C10orf105: variants seen among roughly 807,000 people sequenced by gnomAD.
C10orf105 encodes the protein chromosome 10 open reading frame 105, also known as uncharacterized protein C10orf105.
C10orf105 carries 2 observed loss-of-function variants against 0.6 expected under a neutral mutation model. That is an observed-to-expected ratio of 3.18 (90% CI 1.30 to 10.01). The LOEUF (loss-of-function observed/expected upper bound fraction) is 10.01, where lower values mean the gene tolerates loss of function less well. Ranked by LOEUF, C10orf105 falls within the 30% of genes most tolerant of loss-of-function variation. The pLI, the probability that C10orf105 is intolerant of heterozygous loss-of-function variation, is 0.04. For synonymous variants in C10orf105, 95 were observed against 82.4 expected (o/e 1.15, Z -0.83); for missense variants, 209 against 191.4 (o/e 1.09, Z -0.54).
chr10:71,735,205 C>A (rs932607408), intron 1 of C10orf105, among the ~76,000 whole-genome samples: 1 of 152,150 alleles, frequency 6.6e-6, no homozygotes, highest in Non-Finnish European at 1.5e-5. Context: ...GGGGTTGGTG[C>A]AAGTGTGTGG....
intron 1 of C10orf105, among the ~76,000 whole-genome samples, chr10:71,718,482 A>G (rs1866395124): frequency 6.6e-6 from 1 of 152,238 alleles, no homozygotes; most frequent in Non-Finnish European, 1.5e-5. Flanking sequence ...CATCAGGCCT[A>G]GAGAGCACTC....
At position 71,715,127 on chromosome 10, in the gene C10orf105, G is replaced by C. The variant is rs1866151341; in HGVS notation, c.*809C>G. 1 of 152,324 alleles carries C rather than the reference G, an allele frequency of 6.6e-6. No homozygotes were observed. The highest frequency in any genetic ancestry group is 1.5e-5 in the Non-Finnish European group (1 of 68,138). 9.4% of individuals were successfully genotyped at this position (152,324 alleles called of 1,614,324 possible). A position where few individuals can be genotyped will look rare whatever the true frequency, so the allele number is the denominator to read the frequency against. On this transcript the variant is annotated 3_prime_UTR_variant, in exon 2 of 2. Transcript: ENST00000441508. Reference sequence around the variant, plus strand: ...TGGGTGAGGTGTGGAGCTGCTGTGAGCTGTCCTCCTCCGAGTCCAGGTGGC... The same window carrying C: ...TGGGTGAGGTGTGGAGCTGCTGTGACCTGTCCTCCTCCGAGTCCAGGTGGC...
rs1865983444 is a variant in C10orf105, at chr10:71,711,875, C to T, written c.*4061G>A. 1 of 152,120 alleles carries T rather than the reference C, an allele frequency of 6.6e-6. No homozygotes were observed. The highest frequency in any genetic ancestry group is 2.4e-5 in the African/African-American group (1 of 41,406). The allele number at this position is 152,120 out of a possible 1,614,324, so 9.4% of individuals were successfully genotyped here. A position where few individuals can be genotyped will look rare whatever the true frequency, so the allele number is the denominator to read the frequency against. ...CCAGGTGTTTGACCCAGGTGCTATA[C>T]CCGCCAGTCCCTGACAGCAGTTGGC... On this transcript the variant is annotated 3_prime_UTR_variant, in exon 2 of 2. Transcript: ENST00000441508.
chr10:71,720,420 A>AACACACACAC (rs57346519), upstream of C10orf105, among the ~76,000 whole-genome samples: 2,544 of 145,810 alleles, frequency 0.017, 69 homozygotes, highest in African/African-American at 0.058. Flanking sequence ...CTCTTTCCAA[A>AACACACACAC]ACACACACAC....
In C10orf105 at chr10:71,718,906, G is replaced by GAA. The variant is rs78421738; in HGVS notation, c.-6+719_-6+720dup. Among the ~76,000 whole-genome samples, 271 of 139,106 alleles carry GAA rather than the reference G, an allele frequency of 1.9e-3. 1 individual carries two copies. The highest frequency in any genetic ancestry group is 6.7e-3 in the African/African-American group (255 of 38,142). 91.3% of individuals were successfully genotyped at this position (139,106 alleles called of 152,430 possible). ...ACATAGTGAGTCTTCATTTCTGAAAGAAAAAAAAAAAAGGTTTTTTAATTA... is the reference window on the plus strand; with the variant it reads ...ACATAGTGAGTCTTCATTTCTGAAAGAAAAAAAAAAAAAAGGTTTTTTAATTA... On this transcript the variant is annotated intron_variant, in intron 1 of 1. Transcript: ENST00000441508.
chr10:71,721,680 G>T (rs1215064751), upstream of C10orf105, among the ~76,000 whole-genome samples: 5 of 152,194 alleles, frequency 3.3e-5, no homozygotes, highest in Admixed American at 1.3e-4. Flanking sequence ...TTACCGCAGT[G>T]CCCGGATGTG....
chr10:71,731,017 G>T (rs993110439), intron 1 of C10orf105, among the ~76,000 whole-genome samples: 1 of 152,222 alleles, frequency 6.6e-6, no homozygotes, highest in Non-Finnish European at 1.5e-5. Context: ...CCTAGCACAC[G>T]CAGACCCCCT....
chr10:71,732,021 G>A lies in C10orf105; in HGVS notation c.-6+5707C>T, dbSNP rs758598501. The A allele has an allele frequency of 6.8e-6, 11 of 1,613,798 alleles. No individual in the cohort carries two copies. Among genetic ancestry groups the A allele is most frequent in the African/African-American group, 4.0e-5 (3 of 74,906 alleles). On this transcript the variant is annotated intron_variant, in intron 1 of 1. Coordinates refer to the C10orf105 transcript ENST00000398786. Reference sequence around the variant, plus strand: ...GCCTGGTGAACTACCGCATCCTGTCGGGCGCAGAGGGGAAGTTTGAGATTG... The same window carrying A: ...GCCTGGTGAACTACCGCATCCTGTCAGGCGCAGAGGGGAAGTTTGAGATTG...
intron 1 of C10orf105, chr10:71,717,850 A>G (rs1866351883): frequency 6.6e-6 from 1 of 152,262 alleles, no homozygotes; most frequent in South Asian, 2.1e-4. Flanking sequence ...GCAAGAAAGA[A>G]GAGAGGTGGG....
In C10orf105 at chr10:71,714,960, G is replaced by T. The variant is rs763710024; in HGVS notation, c.*976C>A. 6.6e-6 allele frequency: 1 copy of T among 152,256 alleles called. No individual in the cohort carries two copies. The highest frequency in any genetic ancestry group is 1.5e-5 in the Non-Finnish European group (1 of 68,062). The allele number at this position is 152,256 out of a possible 1,614,324, so 9.4% of individuals were successfully genotyped here. A position where few individuals can be genotyped will look rare whatever the true frequency, so the allele number is the denominator to read the frequency against. ...TGGGATTCTGAGAAGCCCATCCTGG[G>T]GTGGGACTGCTTTGACGGGTCATCA... On this transcript the variant is annotated 3_prime_UTR_variant, in exon 2 of 2. Coordinates refer to ENST00000441508, the MANE Select transcript of C10orf105 (RefSeq NM_001164375.3).
At chr10:71,722,884 G>A (rs558661807), upstream of C10orf105, among the ~76,000 whole-genome samples, 36 of 152,278 alleles carry the variant, frequency 2.4e-4, no homozygotes, top group Middle Eastern at 0.01. Flanking sequence ...GGTGGGAAGT[G>A]GGGCCCAGGG....
chr10:71,728,867 C>T (rs1226249760), intron 1 of C10orf105, among the ~76,000 whole-genome samples: 1 of 152,166 alleles, frequency 6.6e-6, no homozygotes, highest in African/African-American at 2.4e-5. Flanking sequence ...CCACCCCCGG[C>T]TAATTTTTTT....
upstream of C10orf105, among the ~76,000 whole-genome samples, chr10:71,721,612 C>G (rs75740292): frequency 9.2e-3 from 1,407 of 152,266 alleles, 32 homozygotes; most frequent in African/African-American, 0.033. Flanking sequence ...TCTTTTTGCT[C>G]CAGTGTACTC....
At position 71,735,320 on chromosome 10, in the gene C10orf105, G is replaced by A. The variant is rs184601830; in HGVS notation, c.-6+2408C>T. Among the ~76,000 whole-genome samples the A allele has an allele frequency of 2.0e-5, 3 of 152,300 alleles. No individual in the cohort carries two copies. The East Asian group carries it at 5.8e-4, about 29-fold the overall frequency. On this transcript the variant is annotated intron_variant, in intron 1 of 1. Coordinates refer to the C10orf105 transcript ENST00000398786. ...TCTAAGTAAAGGCAGAGAAGACCAT[G>A]TGCTGGGCCCCTGGGGGAGGGGGGC...
At position 71,715,986 on chromosome 10, in the gene C10orf105, G is replaced by T. The variant is rs897125581; in HGVS notation, c.352C>A (p.Pro118Thr). The change falls in exon 2 of 2, where the codon CCC becomes ACC. Residue 118 changes from proline (P) to threonine (T), a missense_variant. Pro to Thr is a conservative substitution (Grantham distance 38, BLOSUM62 -1). Transcript: ENST00000441508. The part of the protein sequence containing the change: ...PTVPRQPLPG[P>T]EDNRSHCDYM... ...TCACAGTGGCTGCGGTTGTCCTCGG[G>T]GCCCGGCAGGGGCTGTCGAGGGACG... 1 of 1,492,592 alleles carries T rather than the reference G, an allele frequency of 6.7e-7. No individual in the cohort carries two copies. Among genetic ancestry groups the T allele is most frequent in the Admixed American group, 2.5e-5 (1 of 40,062 alleles). The allele number at this position is 1,492,592 out of a possible 1,614,324, so 92.5% of individuals were successfully genotyped here. A position where few individuals can be genotyped will look rare whatever the true frequency, so the allele number is the denominator to read the frequency against.
At chr10:71,723,427 A>G (rs1038388992), upstream of C10orf105, among the ~76,000 whole-genome samples, 2 of 152,126 alleles carry the variant, frequency 1.3e-5, no homozygotes, top group African/African-American at 4.8e-5. Flanking sequence ...ACACAAGCCC[A>G]CCAGAGGAAA....
In C10orf105 at chr10:71,715,814, T is replaced by G. The variant is rs961376356; in HGVS notation, c.*122A>C. 7.5e-6 allele frequency: 7 copies of G among 931,814 alleles called. No homozygotes were observed. In the East Asian group the frequency reaches 1.6e-4, roughly 21 times the overall value. The allele number at this position is 931,814 out of a possible 1,614,324, so 57.7% of individuals were successfully genotyped here. On this transcript the variant is annotated 3_prime_UTR_variant, in exon 2 of 2. Transcript: ENST00000441508. ...TGGGCATGCAAGGAGCTTCGGGGGG[T>G]GAGTGTGTGTCCCAGACTGCTTGGG...
intron 1 of C10orf105, among the ~76,000 whole-genome samples, chr10:71,735,977 C>T (rs535301592): frequency 9.2e-5 from 14 of 152,396 alleles, no homozygotes; most frequent in African/African-American, 3.1e-4. Flanking sequence ...TACTGAGCCT[C>T]ACCCTCTTCA....
Position 71,716,059 on chromosome 10 carries a change from C to T in C10orf105, c.279G>A (p.Leu93=). The T allele has an allele frequency of 6.6e-7, 1 of 1,512,448 alleles. No individual in the cohort carries two copies. The highest frequency in any genetic ancestry group is 8.9e-7 in the Non-Finnish European group (1 of 1,126,144). The allele number at this position is 1,512,448 out of a possible 1,614,324, so 93.7% of individuals were successfully genotyped here. The change falls in exon 2 of 2, where the codon CTG becomes CTA. Residue 93 remains leucine (L), a synonymous_variant. Transcript: ENST00000441508. ...SEPQLRLWKR[L]GSLRLSLHSF... The stretch of plus-strand genomic sequence containing the variant: ...TGTGCAGGGAGAGGCGCAAGGAGCC[C>T]AGGCGCTTCCAGAGCCGGAGCTGGG...
Sources: allele counts gnomAD v4.1 joint callset (sites outside exome capture counted in the v4.1 genomes callset), GRCh38; gene constraint gnomAD v4.1.1; transcripts MANE v1.5; gene names NCBI Gene and HGNC (gene_info 2026-07-23, HGNC 2026-07-21).